The following MAPT variants were observed in gnomAD, a reference collection of about 807,000 sequenced individuals.
The protein encoded by MAPT is microtubule associated protein tau, also known as microtubule-associated protein tau.
Under a neutral mutation model 67.9 loss-of-function variants are expected in MAPT, and 34 were observed. That is an observed-to-expected ratio of 0.50 (90% CI 0.38 to 0.67). The LOEUF (loss-of-function observed/expected upper bound fraction) is 0.67, where lower values mean the gene tolerates loss of function less well. Ranked by LOEUF, MAPT falls within the 30% of genes least tolerant of loss-of-function variation. The probability of loss-of-function intolerance (pLI) is 0.00; values close to 1 mark genes in which losing one functional copy is unlikely to be tolerated. For synonymous variants in MAPT, 456 were observed against 464.5 expected (o/e 0.98, Z 0.23); for missense variants, 881 against 1,115.2 (o/e 0.79, Z 2.99).
At chr17:46,022,065 CA>C (rs1422611281) in intron 12 of MAPT, among the ~76,000 whole-genome samples, 1 of 152,116 alleles carries the variant, frequency 6.6e-6, no homozygotes, top group African/African-American at 2.4e-5. Flanking sequence ...CAAGAAAATA[CA>C]GTAACAGGTC....
chr17:45,960,317 C>T (rs1237439080), intron 1 of MAPT, among the ~76,000 whole-genome samples: 4 of 152,348 alleles, frequency 2.6e-5, no homozygotes, highest in South Asian at 2.1e-4. Context: ...ACAGCAGAGC[C>T]GTTTTAGGAT....
At chr17:45,994,025 G>A in intron 8 of MAPT, 1 of 1,516,796 alleles carries the variant, frequency 6.6e-7, no homozygotes, top group Non-Finnish European at 8.9e-7. Context: ...TTGCGTGTGT[G>A]GCCATTCACT....
intron 1 of MAPT, among the ~76,000 whole-genome samples, chr17:45,958,832 G>A (rs1008182180): frequency 6.6e-6 from 1 of 152,102 alleles, no homozygotes; most frequent in Non-Finnish European, 1.5e-5. Context: ...GGAGGCTGAG[G>A]CAGGCAGATC....
At chr17:46,015,833 A>T (rs574476454) in intron 11 of MAPT, among the ~76,000 whole-genome samples, 4 of 152,308 alleles carry the variant, frequency 2.6e-5, no homozygotes, top group African/African-American at 9.6e-5. Context: ...AGCCCCATAA[A>T]TATATACACC....
At chr17:46,016,771 AAAAG>A (rs558185747) in intron 11 of MAPT, among the ~76,000 whole-genome samples, 50 of 152,218 alleles carry the variant, frequency 3.3e-4, no homozygotes, top group South Asian at 2.5e-3. Flanking sequence ...ACTCAGCAAA[AAAAG>A]AAAGAAAGAA....
At chr17:45,914,506 G>A (rs116377836) in intron 1 of MAPT, among the ~76,000 whole-genome samples, 1,721 of 152,276 alleles carry the variant, frequency 0.011, 39 homozygotes, top group African/African-American at 0.04. Flanking sequence ...GAGAAAAGCA[G>A]TGAGGAACAA....
chr17:45,991,114 T>C (rs77290642), intron 7 of MAPT, among the ~76,000 whole-genome samples: 22,048 of 152,258 alleles, frequency 0.14, 2,130 homozygotes, highest in Non-Finnish European at 0.22. Flanking sequence ...TCTGCATATG[T>C]GTAGTGCACT....
At position 46,014,325 on chromosome 17, in the gene MAPT, G is replaced by A; in HGVS notation, c.2173+1G>A. 1 of 1,612,012 alleles carries A rather than the reference G, an allele frequency of 6.2e-7. No homozygotes were observed. The highest frequency in any genetic ancestry group is 8.5e-7 in the Non-Finnish European group (1 of 1,178,182). ...TTAGGCAACATCCATCATAAACCAGGTAGCCCTGTGGAAGGTGAGGGTTGG... is the reference window on the plus strand; with the variant it reads ...TTAGGCAACATCCATCATAAACCAGATAGCCCTGTGGAAGGTGAGGGTTGG... On this transcript the variant is annotated splice_donor_variant, in intron 11 of 12. Transcript: ENST00000262410. LOFTEE classifies it high-confidence loss of function.
intron 1 of MAPT, among the ~76,000 whole-genome samples, chr17:45,912,101 G>A (rs2064838161): frequency 6.6e-6 from 1 of 152,182 alleles, no homozygotes; most frequent in South Asian, 2.1e-4. Context: ...GAAGGGTGGT[G>A]CCAGTTGAAG....
In MAPT at chr17:46,024,299, T is replaced by C. The variant is rs1406369284; in HGVS notation, c.*128T>C. 9.6e-6 allele frequency: 8 copies of C among 833,992 alleles called. No homozygotes were observed. The highest frequency in any genetic ancestry group is 1.4e-5 in the Non-Finnish European group (7 of 507,974). 51.7% of individuals were successfully genotyped at this position (833,992 alleles called of 1,614,324 possible). A position where few individuals can be genotyped will look rare whatever the true frequency, so the allele number is the denominator to read the frequency against. Reference sequence around the variant, plus strand: ...CCTCGCAGTTCGGTTAATTGGTTAATCACTTAACCTGCTTTTGTCACTCGG... The same window carrying C: ...CCTCGCAGTTCGGTTAATTGGTTAACCACTTAACCTGCTTTTGTCACTCGG... On this transcript the variant is annotated 3_prime_UTR_variant, in exon 13 of 13. Transcript: ENST00000262410.
chr17:46,018,917 C>T (rs2076351856), intron 12 of MAPT, among the ~76,000 whole-genome samples, 187 bp downstream of exon 12: 1 of 152,176 alleles, frequency 6.6e-6, no homozygotes, highest in Non-Finnish European at 1.5e-5. Flanking sequence ...GGAGCTTTAG[C>T]ACGTTTCACA....
At position 45,993,977 on chromosome 17, in the gene MAPT, G is replaced by A. The variant is rs1358155851; in HGVS notation, c.1732+2391G>A. On this transcript the variant is annotated intron_variant, in intron 8 of 12. Coordinates refer to ENST00000262410, the MANE Select transcript of MAPT (RefSeq NM_001377265.1). ...CCCTGCAGGGCCCAGATCTGAGAGA[G>A]GTACTCGGGAGCCTACTTCGCTGGG... The A allele has an allele frequency of 2.5e-6, 4 of 1,569,836 alleles. No homozygotes were observed. In the South Asian group the frequency reaches 3.5e-5, roughly 14 times the overall value.
chr17:45,940,300 C>A (rs62061731), intron 1 of MAPT, among the ~76,000 whole-genome samples: 21,821 of 152,270 alleles, frequency 0.14, 2,138 homozygotes, highest in Middle Eastern at 0.22. Context: ...CCATTCCATC[C>A]TGAACCTGCC....
intron 1 of MAPT, among the ~76,000 whole-genome samples, chr17:45,929,249 G>A (rs2066637208): frequency 6.6e-6 from 1 of 152,072 alleles, no homozygotes; most frequent in Non-Finnish European, 1.5e-5. Context: ...CCTTACATGG[G>A]GCAAGCCCAG....
chr17:45,988,535 C>T (rs919464), intron 6 of MAPT, among the ~76,000 whole-genome samples: 22,059 of 152,154 alleles, frequency 0.14, 2,143 homozygotes, highest in Non-Finnish European at 0.22. Flanking sequence ...TAGGGACAGG[C>T]GTGCAGACAC....
At chr17:45,903,201 C>A (rs575307401) in intron 1 of MAPT, among the ~76,000 whole-genome samples, 2 of 152,140 alleles carry the variant, frequency 1.3e-5, no homozygotes, top group Non-Finnish European at 1.5e-5. Context: ...CCTCCCCCAG[C>A]GTAAAGGACA....
At chr17:45,941,713 T>TCCTTCCTGCCTTCCTTCCTTCCTG (rs1555690496) in intron 1 of MAPT, among the ~76,000 whole-genome samples, 2 of 111,066 alleles carry the variant, frequency 1.8e-5, no homozygotes, top group East Asian at 2.9e-4. Flanking sequence ...CTGCCTTCCT[T>TCCTTCCTGCCTTCCTTCCTTCCTG]CCTTCCTTCC....
rs767679372 is a variant in MAPT, at chr17:45,912,948, G to A, written c.-18+18262G>A. Among the ~76,000 whole-genome samples, 77 of 152,190 alleles carry A rather than the reference G, an allele frequency of 5.1e-4. 1 individual carries two copies. The highest frequency in any genetic ancestry group is 9.3e-4 in the Non-Finnish European group (63 of 68,028). On this transcript the variant is annotated intron_variant, in intron 1 of 12. Transcript: ENST00000262410. ...CTGTACTACCTCTAGACAAAAGAGA[G>A]GGCAGTCAGACAGTTGTTCGTGATT...
At chr17:45,957,211 C>T (rs572776560) in intron 1 of MAPT, among the ~76,000 whole-genome samples, 139 of 152,228 alleles carry the variant, frequency 9.1e-4, no homozygotes, top group African/African-American at 3.2e-3. Flanking sequence ...TACAGTCCTA[C>T]CAACAGTGTA....
Sources: gnomAD v4.1 joint callset for allele counts (sites outside exome capture counted in the v4.1 genomes callset) on GRCh38, gnomAD v4.1.1 for gene constraint, MANE v1.5 for transcripts, NCBI Gene and HGNC (gene_info 2026-07-23, HGNC 2026-07-21) for gene names.